The following GGT5 variants were observed in gnomAD, a reference collection of about 807,000 sequenced individuals.
GGT5 encodes glutathione hydrolase 5 proenzyme.
A neutral mutation model predicts 58.1 loss-of-function variants in GGT5; 50 were observed. That is an observed-to-expected ratio of 0.86 (90% CI 0.69 to 1.09). GGT5 has a LOEUF of 1.09. Ranked by LOEUF, GGT5 falls within the 50% of genes least tolerant of loss-of-function variation. The probability of loss-of-function intolerance (pLI) is 0.00; values close to 1 mark genes in which losing one functional copy is unlikely to be tolerated. For synonymous variants in GGT5, 370 were observed against 346.1 expected (o/e 1.07, Z -0.77); for missense variants, 800 against 789.4 (o/e 1.01, Z -0.16).
Position 24,231,421 on chromosome 22 carries a change from C to A in GGT5, c.864G>T (p.Gly288=), listed in dbSNP as rs925069744. 1.3e-6 allele frequency: 2 copies of A among 1,556,436 alleles called. No individual in the cohort carries two copies. Among genetic ancestry groups the A allele is most frequent in the Middle Eastern group, 1.7e-4 (1 of 5,828 alleles). ...TGAGGATAAAGCTGAGAATGGCACC[C>A]CCTGCAGGCGGCGGTGGTGAGTACA... The part of the protein sequence containing the change: ...YTLYSPPPPA[G]GAILSFILNV... Residue 288 remains glycine (G), a synonymous_variant, in exon 6 of 12, where the codon GGG becomes GGT. Transcript: ENST00000327365.
Position 24,232,847 on chromosome 22 carries a change from G to A in GGT5, c.572C>T (p.Pro191Leu). The A allele has an allele frequency of 6.4e-7, 1 of 1,554,050 alleles. No homozygotes were observed. The highest frequency in any genetic ancestry group is 8.7e-7 in the Non-Finnish European group (1 of 1,146,824). Residue 191 changes from proline to leucine, a missense_variant, in exon 4 of 12, where the codon CCT (proline) becomes CTT (leucine). Coordinates refer to ENST00000327365, the MANE Select transcript of GGT5 (RefSeq NM_004121.5). ...SRFLHNSILR[P>L]SLQASTLRQL... is the part of the protein sequence containing the mutation. ...CCGCAGGGTTGACGCCTGCAAGGAA[G>A]GCCGCAGGATGCTGTTGTGCAGGAA... is the stretch of plus-strand genomic sequence containing the variant.
chr22:24,244,411 C>T (rs2048414385), intron 1 of GGT5, 142 bp downstream of exon 1: 6 of 728,886 alleles, frequency 8.2e-6, no homozygotes, highest in Admixed American at 6.8e-5. Context: ...CACACACCCA[C>T]ACATGCATGC....
chr22:24,233,344 C>T (rs139907686), intron 3 of GGT5, among the ~76,000 whole-genome samples, 154 bp downstream of exon 3: 188 of 152,348 alleles, frequency 1.2e-3, no homozygotes, highest in African/African-American at 4.3e-3. Flanking sequence ...TTCTCAATCC[C>T]TGCAGGTTGG....
chr22:24,236,501 T>A (rs889216001), intron 1 of GGT5, among the ~76,000 whole-genome samples: 2 of 152,202 alleles, frequency 1.3e-5, no homozygotes, highest in African/African-American at 4.8e-5. Flanking sequence ...CGGTGGCTCA[T>A]GCCTGTAATC....
At chr22:24,240,136 T>C (rs2048289536) in intron 1 of GGT5, among the ~76,000 whole-genome samples, 2 of 152,168 alleles carry the variant, frequency 1.3e-5, no homozygotes, top group African/African-American at 2.4e-5. Context: ...ATGTTAGACT[T>C]TGATAAGTGA....
intron 8 of GGT5, 114 bp downstream of exon 8, chr22:24,225,962 G>A: frequency 1.3e-6 from 1 of 745,748 alleles, no homozygotes; most frequent in East Asian, 2.7e-5. Flanking sequence ...AGGAGAAAAA[G>A]GGCAAAAGCA....
At chr22:24,221,575 C>T (rs1298657042) in intron 11 of GGT5, among the ~76,000 whole-genome samples, 6 of 152,218 alleles carry the variant, frequency 3.9e-5, no homozygotes, top group South Asian at 2.1e-4. Context: ...TGCAATGGCA[C>T]GACCTTGGCT....
Position 24,233,920 on chromosome 22 carries a change from C to T in GGT5, c.258G>A (p.Met86Ile). Reference sequence around the variant, plus strand: ...TGAAGATGACCCCTCCGCCCAGGCCCATGCTCTGAGGGTTGACGACGCTGG... The same window carrying T: ...TGAAGATGACCCCTCCGCCCAGGCCTATGCTCTGAGGGTTGACGACGCTGG... Reference protein sequence around the residue: ...VCTSVVNPQSMGLGGGVIFTI... With the variant: ...VCTSVVNPQSIGLGGGVIFTI... Residue 86 changes from methionine to isoleucine, a missense_variant, in exon 2 of 12, where the codon ATG becomes ATA. Physicochemically the swap from Met to Ile is conservative, Grantham distance 10. Transcript: ENST00000327365. 6.2e-7 allele frequency: 1 copy of T among 1,613,778 alleles called. No homozygotes were observed. The highest frequency in any genetic ancestry group is 1.1e-5 in the South Asian group (1 of 91,060).
rs2048437140 is a variant in GGT5, at chr22:24,245,021, G to A, written c.-296C>T. On this transcript the variant is annotated 5_prime_UTR_variant, in exon 1 of 12. Coordinates refer to ENST00000327365, the MANE Select transcript of GGT5 (RefSeq NM_004121.5). Reference sequence around the variant, plus strand: ...TGCCAGATGGACAGATGGGTGAATGGACAGATGGCTGGCAGCTGTGGCGAG... The same window carrying A: ...TGCCAGATGGACAGATGGGTGAATGAACAGATGGCTGGCAGCTGTGGCGAG... 2 of 411,278 alleles carry A rather than the reference G, an allele frequency of 4.9e-6. No homozygotes were observed. The allele number at this position is 411,278 out of a possible 1,614,324, so 25.5% of individuals were successfully genotyped here. A position where few individuals can be genotyped will look rare whatever the true frequency, so the allele number is the denominator to read the frequency against.
chr22:24,225,184 A>C, intron 10 of GGT5, 61 bp downstream of exon 10: 2 of 1,589,178 alleles, frequency 1.3e-6, no homozygotes, highest in Non-Finnish European at 1.7e-6. Context: ...CCCACTCCAG[A>C]GACAGTCAGA....
intron 11 of GGT5, among the ~76,000 whole-genome samples, chr22:24,221,487 A>G (rs1262267831): frequency 1.3e-5 from 2 of 152,066 alleles, no homozygotes; most frequent in African/African-American, 2.4e-5. Flanking sequence ...TCAACTCCCT[A>G]TGATTCTATG....
At chr22:24,220,226 G>A in intron 11 of GGT5, 110 bp from the exon 12 acceptor site, 1 of 1,039,958 alleles carries the variant, frequency 9.6e-7, no homozygotes, top group Non-Finnish European at 1.4e-6. Flanking sequence ...AGACGGAGAG[G>A]AAGAGGGCCT....
At chr22:24,235,059 T>A (rs1234497759) in intron 1 of GGT5, among the ~76,000 whole-genome samples, 1 of 144,994 alleles carries the variant, frequency 6.9e-6, no homozygotes, top group Non-Finnish European at 1.5e-5. Flanking sequence ...GCTTTTTTTT[T>A]TTTTTTTTTT....
At position 24,233,642 on chromosome 22, in the gene GGT5, C is replaced by T. The variant is rs571777364; in HGVS notation, c.305-49G>A. 4.5e-6 allele frequency: 5 copies of T among 1,116,096 alleles called. No individual in the cohort carries two copies. In the African/African-American group the frequency reaches 6.2e-5, roughly 14 times the overall value. 69.1% of individuals were successfully genotyped at this position (1,116,096 alleles called of 1,614,324 possible). On this transcript the variant is annotated intron_variant, in intron 2 of 11. Coordinates refer to ENST00000327365, the MANE Select transcript of GGT5 (RefSeq NM_004121.5). The stretch of plus-strand genomic sequence containing the variant: ...GTGGTCATGGACCCTGCAGACAGCC[C>T]CTGGCCTGCTCTAGGCCTCAGTTTC...
At chr22:24,238,610 A>G (rs2048168632) in intron 1 of GGT5, among the ~76,000 whole-genome samples, 1 of 138,918 alleles carries the variant, frequency 7.2e-6, no homozygotes, top group South Asian at 2.3e-4. Flanking sequence ...TGGCTGAGAC[A>G]GGAGAATCAC....
At chr22:24,239,162 A>AC (rs1228555729) in intron 1 of GGT5, among the ~76,000 whole-genome samples, 12 of 148,100 alleles carry the variant, frequency 8.1e-5, no homozygotes, top group African/African-American at 1.5e-4. Context: ...ACACAGTGAA[A>AC]CCCGTCTCTA....
At chr22:24,240,467 G>T (rs2048297799) in intron 1 of GGT5, among the ~76,000 whole-genome samples, 2 of 150,960 alleles carry the variant, frequency 1.3e-5, no homozygotes, top group African/African-American at 2.4e-5. Context: ...TATCATGCAT[G>T]CACTAACCAA....
At chr22:24,232,447 C>T (rs756994202) in intron 4 of GGT5, among the ~76,000 whole-genome samples, 2 of 152,140 alleles carry the variant, frequency 1.3e-5, no homozygotes, top group African/African-American at 2.4e-5. Flanking sequence ...GGCCTGGGTC[C>T]ACCTAGGGCC....
At chr22:24,220,437 G>A in intron 11 of GGT5, 1 of 508,154 alleles carries the variant, frequency 2.0e-6, no homozygotes, top group Non-Finnish European at 3.8e-6. Context: ...GGCCTTCGAT[G>A]GAGGATGTGG....
Sources: gnomAD v4.1 joint callset for allele counts (sites outside exome capture counted in the v4.1 genomes callset) on GRCh38, gnomAD v4.1.1 for gene constraint, MANE v1.5 for transcripts, NCBI Gene and HGNC (gene_info 2026-07-23, HGNC 2026-07-21) for gene names.